LRIF1: variants seen among roughly 807,000 people sequenced by gnomAD.
LRIF1 encodes ligand dependent nuclear receptor interacting factor 1.
Under a neutral mutation model 52.7 loss-of-function variants are expected in LRIF1, and 32 were observed. The observed-to-expected ratio is 0.61, with a 90% CI of 0.46 to 0.82. LRIF1 has a LOEUF of 0.82. Ranked by LOEUF, LRIF1 falls within the 40% of genes least tolerant of loss-of-function variation. The pLI is 0.00. For missense variants in LRIF1, 887 were observed against 892.0 expected, an observed-to-expected ratio of 0.99 and a Z score of 0.07; for synonymous variants, 323 against 317.4, an observed-to-expected ratio of 1.02 and a Z score of -0.19.
Position 110,951,770 on chromosome 1 carries a change from T to TCC in LRIF1, c.1112_1113dup (p.Thr372GlyfsTer21). The TCC allele has an allele frequency of 6.2e-7, 1 of 1,612,924 alleles. No homozygotes were observed. The highest frequency in any genetic ancestry group is 8.5e-7 in the Non-Finnish European group (1 of 1,179,998). On this transcript the variant is annotated frameshift_variant, in exon 2 of 4. Transcript: ENST00000369763. LOFTEE classifies it high-confidence loss of function. ...TCAATTTGTGATGGCAGAACATCTG[T>TCC]CCCCTTTTTAGCCAACAGATAGACT...
the LRIF1 span, among the ~76,000 whole-genome samples, chr1:110,928,259 T>C: frequency 1.3e-5 from 2 of 152,200 alleles, no homozygotes; most frequent in African/African-American, 4.8e-5. Context: ...ATTTTGTTTG[T>C]TGAATAGTAA....
At position 110,954,837 on chromosome 1, in the gene LRIF1, A is replaced by G. The variant is rs541032409; in HGVS notation, c.69-2022T>C. Among the ~76,000 whole-genome samples the G allele has an allele frequency of 2.0e-5, 3 of 152,324 alleles. No homozygotes were observed. In the South Asian group the frequency reaches 6.2e-4, roughly 32 times the overall value. On this transcript the variant is annotated intron_variant, in intron 1 of 3. Transcript: ENST00000369763. ...TCAAAAGAGTAACAGTAGCCTCTGT[A>G]GTGGCTCCTCAGTCTTCTTTGCCAA...
chr1:110,881,096 C>T, the LRIF1 span, among the ~76,000 whole-genome samples: 3 of 152,050 alleles, frequency 2.0e-5, no homozygotes, highest in Non-Finnish European at 4.4e-5. Context: ...GAGTGATGGA[C>T]AGGAGCAAAT....
the LRIF1 span, among the ~76,000 whole-genome samples, chr1:110,935,753 TAG>T: frequency 6.6e-6 from 1 of 150,890 alleles, no homozygotes; most frequent in Non-Finnish European, 1.5e-5. Context: ...AAAGAGGAGG[TAG>T]AGAGAGAGAG....
the LRIF1 span, among the ~76,000 whole-genome samples, chr1:110,930,188 C>A: frequency 6.6e-6 from 1 of 151,926 alleles, no homozygotes; most frequent in Non-Finnish European, 1.5e-5. Context: ...GGCAACAGTT[C>A]TTCAATTTTT....
chr1:110,957,301 C>CAAAA (rs35011841), intron 1 of LRIF1, among the ~76,000 whole-genome samples: 20 of 81,878 alleles, frequency 2.4e-4, no homozygotes, highest in African/African-American at 8.9e-4. Context: ...ACTAAAAATA[C>CAAAA]AAAAAAAAAA....
the LRIF1 span, among the ~76,000 whole-genome samples, chr1:110,901,665 AG>A: frequency 6.6e-6 from 1 of 151,902 alleles, no homozygotes; most frequent in Non-Finnish European, 1.5e-5. Flanking sequence ...TACTAGAGAC[AG>A]GGTTTCACTA....
At chr1:110,935,324 C>T in the LRIF1 span, among the ~76,000 whole-genome samples, 1 of 152,166 alleles carries the variant, frequency 6.6e-6, no homozygotes, top group Non-Finnish European at 1.5e-5. Context: ...ATCATGACCT[C>T]ACCAAATGAA....
chr1:110,879,243 T>G, the LRIF1 span, among the ~76,000 whole-genome samples: 1 of 152,222 alleles, frequency 6.6e-6, no homozygotes, highest in Non-Finnish European at 1.5e-5. Flanking sequence ...TGAGCCATCC[T>G]GGAAATAGTA....
the LRIF1 span, among the ~76,000 whole-genome samples, chr1:110,891,647 A>G: frequency 6.6e-6 from 1 of 152,186 alleles, no homozygotes; most frequent in Admixed American, 6.5e-5. Context: ...GCCACAGAAT[A>G]AACCTGCAAA....
At chr1:110,945,232 T>C (rs1208896156), downstream of LRIF1, 1 of 152,204 alleles carries the variant, frequency 6.6e-6, no homozygotes, top group Non-Finnish European at 1.5e-5. Context: ...GACCTCATTT[T>C]GATCAAAAAT....
chr1:110,945,730 A>G (rs1450474993), downstream of LRIF1, among the ~76,000 whole-genome samples: 1 of 152,042 alleles, frequency 6.6e-6, no homozygotes. Flanking sequence ...CCTGGCCTAT[A>G]TTTTCTACAA....
chr1:110,891,259 T>C, the LRIF1 span: 1 of 660,962 alleles, frequency 1.5e-6, no homozygotes, highest in East Asian at 2.7e-5. Flanking sequence ...GCGCAGAGTT[T>C]GGGGAAACTT....
the LRIF1 span, among the ~76,000 whole-genome samples, chr1:110,884,050 G>T: frequency 6.6e-6 from 1 of 151,702 alleles, no homozygotes; most frequent in Non-Finnish European, 1.5e-5. Flanking sequence ...ACTTCCTTCT[G>T]CTTATTTTGG....
chr1:110,909,966 T>C, the LRIF1 span, among the ~76,000 whole-genome samples: 1 of 152,002 alleles, frequency 6.6e-6, no homozygotes, highest in East Asian at 1.9e-4. Flanking sequence ...AGGGTTCAAT[T>C]CAACAAGAAG....
intron 2 of LRIF1, 119 bp downstream of exon 2, chr1:110,951,169 T>C (rs1163145902): frequency 3.3e-5 from 26 of 794,630 alleles, no homozygotes; most frequent in Middle Eastern, 3.7e-4. Context: ...ATGTGTATAG[T>C]CTGTGTGTGA....
the LRIF1 span, chr1:110,941,140 T>A: frequency 6.6e-6 from 1 of 151,996 alleles, no homozygotes; most frequent in South Asian, 2.1e-4. Context: ...AATAAAAAGT[T>A]TAAAGTAAAA....
At chr1:110,934,668 G>C in the LRIF1 span, among the ~76,000 whole-genome samples, 1 of 152,220 alleles carries the variant, frequency 6.6e-6, no homozygotes, top group Non-Finnish European at 1.5e-5. Context: ...TGCTGGTTCA[G>C]TCACAGTATA....
chr1:110,925,703 A>C, the LRIF1 span, among the ~76,000 whole-genome samples: 1 of 152,176 alleles, frequency 6.6e-6, no homozygotes, highest in Non-Finnish European at 1.5e-5. Flanking sequence ...CGTTACATAT[A>C]ATATGTAATT....
Sources: allele counts gnomAD v4.1 joint callset (sites outside exome capture counted in the v4.1 genomes callset), GRCh38; gene constraint gnomAD v4.1.1; transcripts MANE v1.5; gene names NCBI Gene and HGNC (gene_info 2026-07-23, HGNC 2026-07-21).